CSMD1: variants seen among roughly 807,000 people sequenced by gnomAD.
CSMD1 encodes the protein CUB and sushi domain-containing protein 1.
Under a neutral mutation model 417.5 loss-of-function variants are expected in CSMD1, and 213 were observed. That is an observed-to-expected ratio of 0.51 (90% CI 0.46 to 0.57). The LOEUF is 0.57. CSMD1 is among the 20% of genes least tolerant of loss of function. CSMD1 has a pLI of 0.00. For synonymous variants in CSMD1, 2,862 were observed against 1,736.8 expected (o/e 1.65, Z -16.11); for missense variants, 6,923 against 4,529.7 (o/e 1.53, Z -15.17).
chr8:4,707,886 C>CAAAAAAAAAAAAAAAAAAAAAAA (rs552510236), intron 1 of CSMD1, among the ~76,000 whole-genome samples: 7 of 100,844 alleles, frequency 6.9e-5, no homozygotes, highest in Non-Finnish European at 1.2e-4. Flanking sequence ...GACTTTGTTT[C>CAAAAAAAAAAAAAAAAAAAAAAA]AAAAAAAAAA....
intron 3 of CSMD1, among the ~76,000 whole-genome samples, chr8:4,414,616 C>A (rs1585038750): frequency 6.6e-6 from 1 of 152,170 alleles, no homozygotes; most frequent in East Asian, 1.9e-4. Flanking sequence ...TAAACTTCTG[C>A]ATGCGTGGGT....
chr8:4,143,003 A>AAAAT lies in CSMD1; in HGVS notation c.416-110905_416-110904insATTT, dbSNP rs34949025. Reference sequence around the variant, plus strand: ...TTTCAAACTGATTGAAAAAAAAAAAATGCTCTCCATTTAGGAACTAGTGTC... The same window carrying AAAAT: ...TTTCAAACTGATTGAAAAAAAAAAAAAAATTGCTCTCCATTTAGGAACTAGTGTC... On this transcript the variant is annotated intron_variant, in intron 3 of 69. Transcript: ENST00000635120. Among the ~76,000 whole-genome samples, 736 of 150,088 alleles carry AAAAT rather than the reference A, an allele frequency of 4.9e-3. 49 individuals are homozygous for AAAAT. The highest frequency in any genetic ancestry group is 0.018 in the African/African-American group (702 of 40,092).
intron 1 of CSMD1, among the ~76,000 whole-genome samples, chr8:4,767,499 G>A (rs531964578): frequency 9.2e-5 from 14 of 152,222 alleles, no homozygotes; most frequent in African/African-American, 2.2e-4. Flanking sequence ...TGGTCTACCT[G>A]CCTGAGACCA....
At chr8:4,285,248 G>A (rs1796998831) in intron 3 of CSMD1, among the ~76,000 whole-genome samples, 1 of 152,146 alleles carries the variant, frequency 6.6e-6, no homozygotes, top group South Asian at 2.1e-4. Flanking sequence ...CATACAGCAG[G>A]CCGACTGTAG....
chr8:4,837,124 G>T (rs1227897937), intron 1 of CSMD1, among the ~76,000 whole-genome samples: 1 of 152,058 alleles, frequency 6.6e-6, no homozygotes, highest in Non-Finnish European at 1.5e-5. Context: ...ATTTCTAATA[G>T]ATCCAAATAA....
intron 30 of CSMD1, among the ~76,000 whole-genome samples, chr8:3,209,563 C>T (rs1797486697): frequency 1.3e-5 from 2 of 152,102 alleles, no homozygotes; most frequent in Non-Finnish European, 2.9e-5. Context: ...TTGTGATCCG[C>T]CTGCCTCGGC....
chr8:4,716,109 G>A (rs930509714), intron 1 of CSMD1, among the ~76,000 whole-genome samples: 1 of 152,174 alleles, frequency 6.6e-6, no homozygotes, highest in Non-Finnish European at 1.5e-5. Context: ...TTAGTCGGGA[G>A]ACTCACAGAG....
intron 5 of CSMD1, among the ~76,000 whole-genome samples, chr8:3,914,704 T>C (rs1808696053): frequency 6.6e-6 from 1 of 152,158 alleles, no homozygotes; most frequent in Non-Finnish European, 1.5e-5. Context: ...AAAGATGTCT[T>C]TATTTTTTGA....
intron 7 of CSMD1, chr8:3,702,340 A>T (rs1312786716): frequency 2.0e-5 from 3 of 152,198 alleles, no homozygotes; most frequent in African/African-American, 7.2e-5. Context: ...CATGTGGGGA[A>T]AATCTCTACT....
At chr8:4,424,858 T>C (rs965510376) in intron 2 of CSMD1, among the ~76,000 whole-genome samples, 1 of 152,106 alleles carries the variant, frequency 6.6e-6, no homozygotes, top group African/African-American at 2.4e-5. Context: ...ACACAGAAAC[T>C]CTTTGTATAA....
At position 4,670,806 on chromosome 8, in the gene CSMD1, C is replaced by A. The variant is rs553060429; in HGVS notation, c.86-33248G>T. On this transcript the variant is annotated intron_variant, in intron 1 of 69. Transcript: ENST00000635120. ...AAAAAAATAATTTGTTTCATGTGCT[C>A]AGATGAAAGTCATACTCTTTTCTTA... 1.3e-4 allele frequency among the ~76,000 whole-genome samples: 20 copies of A among 152,264 alleles called. 1 individual carries two copies. Among genetic ancestry groups the A allele is most frequent in the Admixed American group, 8.5e-4 (13 of 15,302 alleles).
chr8:4,954,656 C>G (rs1019718499), intron 1 of CSMD1, among the ~76,000 whole-genome samples: 3 of 152,124 alleles, frequency 2.0e-5, no homozygotes, highest in Admixed American at 6.6e-5. Context: ...CCAATGTGTA[C>G]TCATCTGAAT....
At chr8:3,343,194 A>G (rs1056137590) in intron 23 of CSMD1, 100 bp downstream of exon 23, 6 of 1,010,242 alleles carry the variant, frequency 5.9e-6, no homozygotes. Context: ...CACAGTAGGC[A>G]GCCAGAAAAA....
chr8:3,459,531 A>G (rs1392365663), intron 12 of CSMD1, among the ~76,000 whole-genome samples: 2 of 152,176 alleles, frequency 1.3e-5, no homozygotes, highest in Non-Finnish European at 2.9e-5. Flanking sequence ...AGCAGAGAAC[A>G]TGATAAATGC....
Position 4,544,143 on chromosome 8 carries a change from T to G in CSMD1, c.302+93199A>C, listed in dbSNP as rs146824798. ...TTGCATAAAGTCCAACTTAAATGATTTTTTCATGGATCACACCTTTGATGT... is the reference window on the plus strand; with the variant it reads ...TTGCATAAAGTCCAACTTAAATGATGTTTTCATGGATCACACCTTTGATGT... On this transcript the variant is annotated intron_variant, in intron 2 of 69. Transcript: ENST00000635120. Among the ~76,000 whole-genome samples, 537 of 152,312 alleles carry G rather than the reference T, an allele frequency of 3.5e-3. 5 individuals are homozygous for G. The highest frequency in any genetic ancestry group is 0.012 in the African/African-American group (517 of 41,578).
chr8:4,319,595 T>C (rs758874038), intron 3 of CSMD1, among the ~76,000 whole-genome samples: 1 of 151,622 alleles, frequency 6.6e-6, no homozygotes, highest in South Asian at 2.1e-4. Flanking sequence ...AAATACAGAG[T>C]GGTGATTCCT....
At chr8:3,875,177 G>A (rs544401763) in intron 5 of CSMD1, among the ~76,000 whole-genome samples, 2 of 152,222 alleles carry the variant, frequency 1.3e-5, no homozygotes, top group East Asian at 1.9e-4. Context: ...GGACTGTAGC[G>A]CAGTGGGGAA....
rs1812343204 is a variant in CSMD1 at position 3,406,364 on chromosome 8, A to G, written c.2072-143T>C. 6.3e-6 allele frequency: 3 copies of G among 479,018 alleles called. No individual in the cohort carries two copies. In the African/African-American group the frequency reaches 1.4e-4, roughly 22 times the overall value. 29.7% of individuals were successfully genotyped at this position (479,018 alleles called of 1,614,324 possible). ...TAAATTTCAGTTGTATCATTCATAG[A>G]TAGATAATACATTAATAAATAGGAT... is the stretch of plus-strand genomic sequence containing the variant. On this transcript the variant is annotated intron_variant, in intron 14 of 69. Coordinates refer to ENST00000635120, the MANE Select transcript of CSMD1 (RefSeq NM_033225.6).
In CSMD1 at chr8:3,572,869, T is replaced by C. The variant is rs781618634; in HGVS notation, c.1344+2076A>G. Among the ~76,000 whole-genome samples, 3 of 152,330 alleles carry C rather than the reference T, an allele frequency of 2.0e-5. No homozygotes were observed. The South Asian group carries it at 6.2e-4, about 32-fold the overall frequency. ...CTATTTCCTCTGTAAAGTTCTACTA[T>C]CTAACCTTCAGAACTTTTCTAAATT... On this transcript the variant is annotated intron_variant, in intron 10 of 69. Transcript: ENST00000635120.
Sources: gnomAD v4.1 joint callset for allele counts (sites outside exome capture counted in the v4.1 genomes callset) on GRCh38, gnomAD v4.1.1 for gene constraint, MANE v1.5 for transcripts, NCBI Gene and HGNC (gene_info 2026-07-23, HGNC 2026-07-21) for gene names.